Variants in ADTRP observed in about 807,000 individuals in gnomAD.
ADTRP encodes the protein androgen-dependent TFPI-regulating protein.
Under a neutral mutation model 27.0 loss-of-function variants are expected in ADTRP, and 20 were observed. The observed-to-expected ratio is 0.74, with a 90% CI of 0.52 to 1.08. ADTRP has a LOEUF of 1.08. ADTRP is among the 50% of genes least tolerant of loss of function. The pLI, the probability that ADTRP is intolerant of heterozygous loss-of-function variation, is 0.00. For synonymous variants in ADTRP, 101 were observed against 105.2 expected, an observed-to-expected ratio of 0.96 and a Z score of 0.25; for missense variants, 251 against 275.0, an observed-to-expected ratio of 0.91 and a Z score of 0.62.
At chr6:11,728,970 C>T (rs1418280476) in intron 4 of ADTRP, among the ~76,000 whole-genome samples, 1 of 152,152 alleles carries the variant, frequency 6.6e-6, no homozygotes, top group African/African-American at 2.4e-5. Context: ...TTTCTTGAGC[C>T]ATCTGCTACG....
chr6:11,753,948 T>C (rs964651470), intron 3 of ADTRP, among the ~76,000 whole-genome samples: 1 of 152,172 alleles, frequency 6.6e-6, no homozygotes, highest in Non-Finnish European at 1.5e-5. Context: ...TCTGAGCAGA[T>C]AGAGGGAGGA....
chr6:11,735,672 T>C lies in ADTRP; in HGVS notation c.402A>G (p.Ile134Met), dbSNP rs1401904408. Residue 134 changes from isoleucine (I) to methionine (M), a missense_variant, in exon 4 of 6, where the codon ATA (isoleucine) becomes ATG (methionine). By Grantham distance (10) the Ile-to-Met change is conservative. Coordinates refer to ENST00000414691, the MANE Select transcript of ADTRP (RefSeq NM_032744.4). ...CGACTTCAGCCAATGTGATGGGGAA[T>C]ATGAAAGTGTGCTGCAGGAGAGAAA... ...VWLNHAMHTFIFPITLAEVVL... is the reference protein window; with the variant it reads ...VWLNHAMHTFMFPITLAEVVL... The C allele has an allele frequency of 1.2e-6, 2 of 1,612,702 alleles. No individual in the cohort carries two copies. The highest frequency in any genetic ancestry group is 2.2e-5 in the East Asian group (1 of 44,882).
In ADTRP at chr6:11,768,306, C is replaced by A; in HGVS notation, c.231G>T (p.Lys77Asn). ...GCAGGTCTCTGAAGGCAGTTAGGAA[C>A]TTAATGTCTTTTCCCCCTTTGGTTC... is the stretch of plus-strand genomic sequence containing the variant. ...LKRTKGGKDI[K>N]FLTAFRDLLF... Residue 77 changes from lysine (K) to asparagine (N), a missense_variant, in exon 2 of 6, where the codon AAG becomes AAT. By Grantham distance (94) the Lys-to-Asn change is moderately conservative (BLOSUM62 0). Coordinates refer to ENST00000414691, the MANE Select transcript of ADTRP (RefSeq NM_032744.4). 3 of 1,614,230 alleles carry A rather than the reference C, an allele frequency of 1.9e-6. No individual in the cohort carries two copies. Among genetic ancestry groups the A allele is most frequent in the Non-Finnish European group, 2.5e-6 (3 of 1,180,048 alleles).
chr6:11,758,264 C>T (rs1481446030), intron 3 of ADTRP, among the ~76,000 whole-genome samples: 2 of 152,058 alleles, frequency 1.3e-5, no homozygotes, highest in East Asian at 3.9e-4. Context: ...CCAAATGGTG[C>T]CCACTCTGTG....
chr6:11,715,514 CTCTG>C (rs903661305), intron 5 of ADTRP, among the ~76,000 whole-genome samples: 35 of 151,952 alleles, frequency 2.3e-4, no homozygotes, highest in African/African-American at 8.0e-4. Context: ...AAGATCAAAA[CTCTG>C]TCTTCTTCGT....
At chr6:11,731,702 G>A (rs115040335) in intron 4 of ADTRP, among the ~76,000 whole-genome samples, 20 of 151,744 alleles carry the variant, frequency 1.3e-4, no homozygotes, top group African/African-American at 4.8e-4. Flanking sequence ...CTTCCACAGT[G>A]CCCTTCCCAC....
chr6:11,745,830 AC>A (rs1200257826), intron 3 of ADTRP, among the ~76,000 whole-genome samples: 1 of 151,966 alleles, frequency 6.6e-6, no homozygotes, highest in Non-Finnish European at 1.5e-5. Context: ...TTGCTCTGTC[AC>A]CCAGGCTGGA....
intron 5 of ADTRP, among the ~76,000 whole-genome samples, chr6:11,722,133 A>ATT (rs1184876570): frequency 1.4e-5 from 2 of 147,128 alleles, no homozygotes; most frequent in African/African-American, 5.0e-5. Flanking sequence ...ATGTCAACAC[A>ATT]TTTTTTTTTT....
At chr6:11,725,674 T>G (rs1332673898) in intron 4 of ADTRP, among the ~76,000 whole-genome samples, 2 of 152,134 alleles carry the variant, frequency 1.3e-5, no homozygotes, top group Admixed American at 6.5e-5. Flanking sequence ...GCAATTCCAC[T>G]TCTGGGTACA....
At chr6:11,730,540 AG>A (rs1262071666) in intron 4 of ADTRP, among the ~76,000 whole-genome samples, 1 of 152,254 alleles carries the variant, frequency 6.6e-6, no homozygotes, top group African/African-American at 2.4e-5. Context: ...AACTCAGCTT[AG>A]TCCACCCCTT....
At chr6:11,739,771 C>T (rs1198048397) in intron 3 of ADTRP, among the ~76,000 whole-genome samples, 1 of 152,114 alleles carries the variant, frequency 6.6e-6, no homozygotes, top group Non-Finnish European at 1.5e-5. Context: ...TTTGCCTGAC[C>T]CTTGAGAAAG....
intron 1 of ADTRP, among the ~76,000 whole-genome samples, chr6:11,773,014 G>A (rs1404665419): frequency 1.3e-5 from 2 of 152,164 alleles, no homozygotes; most frequent in Admixed American, 1.3e-4. Context: ...ACAGCAGTAG[G>A]GTGGCTGTGG....
intron 1 of ADTRP, among the ~76,000 whole-genome samples, chr6:11,772,129 T>C (rs1289838470): frequency 6.6e-6 from 1 of 152,240 alleles, no homozygotes; most frequent in African/African-American, 2.4e-5. Context: ...CGTAACGGCA[T>C]CTACTTATTC....
intron 3 of ADTRP, among the ~76,000 whole-genome samples, chr6:11,756,533 A>G (rs534642160): frequency 2.6e-4 from 39 of 152,302 alleles, no homozygotes; most frequent in African/African-American, 8.9e-4. Context: ...CAAGACCTCT[A>G]TGATTTCTTA....
chr6:11,737,544 G>A (rs558283651), intron 3 of ADTRP, among the ~76,000 whole-genome samples: 5 of 152,266 alleles, frequency 3.3e-5, no homozygotes, highest in Middle Eastern at 3.4e-3. Context: ...ATCTGGCTAC[G>A]GCAGTCGGAT....
intron 4 of ADTRP, among the ~76,000 whole-genome samples, chr6:11,730,262 A>G (rs909417186): frequency 6.6e-6 from 1 of 152,180 alleles, no homozygotes; most frequent in African/African-American, 2.4e-5. Context: ...AGGTAGGGTA[A>G]GGATTTCTTC....
chr6:11,717,063 G>T, intron 5 of ADTRP: 1 of 314,564 alleles, frequency 3.2e-6, no homozygotes, highest in Non-Finnish European at 5.8e-6. Flanking sequence ...CTGGAAATAA[G>T]GAAACTGTTG....
chr6:11,735,897 T>C (rs747091681), intron 3 of ADTRP: 5 of 491,882 alleles, frequency 1.0e-5, no homozygotes, highest in Non-Finnish European at 1.8e-5. Context: ...GACTTTGCAA[T>C]GTGTCTCACC....
intron 5 of ADTRP, among the ~76,000 whole-genome samples, chr6:11,716,873 C>T (rs1761848412): frequency 1.4e-5 from 2 of 145,498 alleles, no homozygotes; most frequent in Non-Finnish European, 3.0e-5. Flanking sequence ...TGCGCCACCA[C>T]ACGTAGCTTT....
Sources: gnomAD v4.1 joint callset for allele counts (sites outside exome capture counted in the v4.1 genomes callset) on GRCh38, gnomAD v4.1.1 for gene constraint, MANE v1.5 for transcripts, NCBI Gene and HGNC (gene_info 2026-07-23, HGNC 2026-07-21) for gene names.